VDAC2: variants seen among roughly 807,000 people sequenced by gnomAD.
The protein encoded by VDAC2 is non-selective voltage-gated ion channel VDAC2.
VDAC2 carries 6 observed loss-of-function variants against 36.6 expected under a neutral mutation model. The ratio of observed to expected loss-of-function variants is 0.16; its 90% confidence interval spans 0.09 to 0.32. The LOEUF is 0.32. Ranked by LOEUF, VDAC2 falls within the 10% of genes least tolerant of loss-of-function variation. The pLI, the probability that VDAC2 is intolerant of heterozygous loss-of-function variation, is 1.00. For synonymous variants in VDAC2, 109 were observed against 123.8 expected, an observed-to-expected ratio of 0.88 and a Z score of 0.79; for missense variants, 247 against 346.0, an observed-to-expected ratio of 0.71 and a Z score of 2.27.
At chr10:75,212,358 T>A in intron 3 of VDAC2, 60 bp downstream of exon 3, 1 of 1,448,886 alleles carries the variant, frequency 6.9e-7, no homozygotes, top group Non-Finnish European at 9.5e-7. Flanking sequence ...TTTGGGTTGC[T>A]TAGCGAAATC....
In VDAC2 at chr10:75,229,851, ATTTC is replaced by A. The variant is rs576689954; in HGVS notation, c.793+154_793+157del. 1.3e-4 allele frequency: 67 copies of A among 502,050 alleles called. No homozygotes were observed. The South Asian group carries it at 2.7e-3, about 20-fold the overall frequency. 31.1% of individuals were successfully genotyped at this position (502,050 alleles called of 1,614,324 possible). A position where few individuals can be genotyped will look rare whatever the true frequency, so the allele number is the denominator to read the frequency against. ...TGTTTACCTTTTACCACAATTTTTT[ATTTC>A]TTTTTCTTTGCTTTTTTTTTTTTTG... On this transcript the variant is annotated intron_variant, in intron 9 of 9. Transcript: ENST00000332211.
intron 2 of VDAC2, chr10:75,211,692 A>G: frequency 6.5e-7 from 1 of 1,549,696 alleles, no homozygotes; most frequent in Non-Finnish European, 8.7e-7. Context: ...TATTTAGTTG[A>G]TGTAGACATT....
intron 3 of VDAC2, among the ~76,000 whole-genome samples, chr10:75,212,840 G>A (rs60145153): frequency 0.087 from 13,208 of 152,074 alleles, 856 homozygotes; most frequent in African/African-American, 0.18. Flanking sequence ...TAAGAAAAAC[G>A]GCTCGTGCTT....
intron 4 of VDAC2, among the ~76,000 whole-genome samples, chr10:75,217,456 C>T (rs1841640921): frequency 6.6e-6 from 1 of 152,198 alleles, no homozygotes; most frequent in Non-Finnish European, 1.5e-5. Context: ...TGGCTCACTG[C>T]AACCTCAGGT....
intron 4 of VDAC2, 59 bp from the exon 5 acceptor site, chr10:75,219,004 G>A: frequency 6.5e-7 from 1 of 1,543,446 alleles, no homozygotes; most frequent in South Asian, 1.2e-5. Context: ...GCGTGTGTAA[G>A]GCAGTGATGA....
chr10:75,212,144 A>T, intron 2 of VDAC2, 86 bp from the exon 3 acceptor site: 1 of 1,184,576 alleles, frequency 8.4e-7, no homozygotes, highest in Non-Finnish European at 1.2e-6. Context: ...CTTGAATTTT[A>T]ATATCAGCAG....
chr10:75,225,289 T>G (rs1359572357), intron 8 of VDAC2, among the ~76,000 whole-genome samples: 1 of 152,176 alleles, frequency 6.6e-6, no homozygotes, highest in Non-Finnish European at 1.5e-5. Flanking sequence ...TCTGTCAACC[T>G]AAAGGAAGAA....
intron 3 of VDAC2, among the ~76,000 whole-genome samples, chr10:75,213,031 C>G (rs1257633096): frequency 6.6e-6 from 1 of 152,062 alleles, no homozygotes; most frequent in Non-Finnish European, 1.5e-5. Context: ...GTTGGAAATA[C>G]CCCATTGGCA....
chr10:75,227,217 C>G lies in VDAC2; in HGVS notation c.736-2427C>G, dbSNP rs539113550. Among the ~76,000 whole-genome samples the G allele has an allele frequency of 1.6e-4, 24 of 152,284 alleles. 1 individual carries two copies. In the South Asian group the frequency reaches 5.0e-3, roughly 32 times the overall value. On this transcript the variant is annotated intron_variant, in intron 8 of 9. Coordinates refer to ENST00000332211, the MANE Select transcript of VDAC2 (RefSeq NM_001391963.1). ...TGGTAAATGTGTTAGTCCCTGAGTTCTGTGTGCCACCCTAGGAAATTACTT... is the reference window on the plus strand; with the variant it reads ...TGGTAAATGTGTTAGTCCCTGAGTTGTGTGTGCCACCCTAGGAAATTACTT...
At chr10:75,228,515 A>C (rs1229467023) in intron 8 of VDAC2, among the ~76,000 whole-genome samples, 1 of 152,038 alleles carries the variant, frequency 6.6e-6, no homozygotes, top group Non-Finnish European at 1.5e-5. Flanking sequence ...TTGGCCTCCC[A>C]AAGTGCAGGG....
intron 9 of VDAC2, among the ~76,000 whole-genome samples, chr10:75,230,304 C>G (rs952605239): frequency 1.3e-5 from 2 of 152,154 alleles, no homozygotes; most frequent in East Asian, 3.8e-4. Context: ...TATGTCCTTA[C>G]CTTGCATTGA....
chr10:75,211,694 G>A (rs1159499758), intron 2 of VDAC2: 1 of 1,549,312 alleles, frequency 6.5e-7, no homozygotes, highest in Non-Finnish European at 8.7e-7. Flanking sequence ...TTTAGTTGAT[G>A]TAGACATTTG....
At chr10:75,213,305 C>T (rs1841489397) in intron 3 of VDAC2, among the ~76,000 whole-genome samples, 2 of 150,830 alleles carry the variant, frequency 1.3e-5, no homozygotes, top group Non-Finnish European at 3.0e-5. Context: ...GTTTTGAACT[C>T]CTGATCTCAA....
At position 75,230,942 on chromosome 10, in the gene VDAC2, A is replaced by G. The variant is rs906340613; in HGVS notation, c.838A>G (p.Asn280Asp). 1 of 1,613,318 alleles carries G rather than the reference A, an allele frequency of 6.2e-7. No homozygotes were observed. The highest frequency in any genetic ancestry group is 8.5e-7 in the Non-Finnish European group (1 of 1,179,784). ...LSALVDGKSI[N>D]AGGHKVGLAL... ...TGCTCTGGTAGATGGGAAGAGCATT[A>G]ATGCTGGAGGCCACAAGGTTGGGCT... The change falls in exon 10 of 10, where the codon AAT becomes GAT. Residue 280 changes from asparagine to aspartate, a missense_variant. Physicochemically the swap from Asn to Asp is conservative, Grantham distance 23. Around this residue, in one of 3 missense-constraint regions of VDAC2, gnomAD observed 159 missense variants for 234.0 expected, o/e 0.68. Transcript: ENST00000332211.
intron 6 of VDAC2, 99 bp downstream of exon 6, chr10:75,219,455 ACCTTGTGGTGG>A: frequency 4.0e-6 from 4 of 1,008,898 alleles, no homozygotes; most frequent in African/African-American, 1.6e-5. Context: ...TTATTAAGCT[ACCTTGTGGTGG>A]TGAAATCTCT....
rs1325730477 is a variant in VDAC2 at position 75,212,276 on chromosome 10, A to G, written c.78A>G (p.Arg26=). The G allele has an allele frequency of 6.2e-7, 1 of 1,613,558 alleles. No individual in the cohort carries two copies. Among genetic ancestry groups the G allele is most frequent in the Non-Finnish European group, 8.5e-7 (1 of 1,179,906 alleles). ...ATGCTGACCTTGGCAAAGCTGCCAG[A>G]GATATTTTCAACAAAGGATTTGGTA... ...PSYADLGKAA[R]DIFNKGFGFG... Residue 26 remains arginine (R), a synonymous_variant, in exon 3 of 10, where the codon AGA becomes AGG. Transcript: ENST00000332211.
intron 9 of VDAC2, among the ~76,000 whole-genome samples, 199 bp downstream of exon 9, chr10:75,229,900 C>G: frequency 6.6e-6 from 1 of 150,382 alleles, no homozygotes; most frequent in African/African-American, 2.4e-5. Context: ...TTGGTCATGA[C>G]ACTTCTCTTC....
rs1168121758 is a variant in VDAC2 at position 75,210,901 on chromosome 10, C to A, written c.-63C>A. On this transcript the variant is annotated 5_prime_UTR_variant, in exon 1 of 10. Transcript: ENST00000332211. Reference sequence around the variant, plus strand: ...CGTGCCAAGCGGCTTCAGCAGCTAGCGGAGCGGTGGCGGCGGCCCCCCTCA... The same window carrying A: ...CGTGCCAAGCGGCTTCAGCAGCTAGAGGAGCGGTGGCGGCGGCCCCCCTCA... The A allele has an allele frequency of 4.7e-5, 18 of 386,104 alleles. No homozygotes were observed. In the South Asian group the frequency reaches 1.4e-3, roughly 30 times the overall value. 23.9% of individuals were successfully genotyped at this position (386,104 alleles called of 1,614,324 possible).
chr10:75,214,051 CAA>C lies in VDAC2; in HGVS notation c.133_134del (p.Lys45ValfsTer14). ...GGGTTGGTGAAACTGGATGTGAAAA[CAA>C]AGTCTTGCAGTGGCGTGGTGAGTGT... is the stretch of plus-strand genomic sequence containing the variant. On this transcript the variant is annotated frameshift_variant, in exon 4 of 10. Coordinates refer to ENST00000332211, the MANE Select transcript of VDAC2 (RefSeq NM_001391963.1). LOFTEE classifies it high-confidence loss of function. 6.2e-7 allele frequency: 1 copy of C among 1,613,248 alleles called. No individual in the cohort carries two copies. The highest frequency in any genetic ancestry group is 8.5e-7 in the Non-Finnish European group (1 of 1,179,496).
Sources: gnomAD v4.1 joint callset for allele counts (sites outside exome capture counted in the v4.1 genomes callset) on GRCh38, gnomAD v4.1.1 for gene constraint, gnomAD v4.1.1 regional missense constraint, MANE v1.5 for transcripts, NCBI Gene and HGNC (gene_info 2026-07-23, HGNC 2026-07-21) for gene names.